Variants in WFDC9 observed in about 807,000 individuals in gnomAD.
WFDC9 encodes protein WFDC9.
WFDC9 carries 9 observed loss-of-function variants against 9.5 expected under a neutral mutation model. The ratio of observed to expected loss-of-function variants is 0.95; its 90% CI spans 0.57 to 1.65. The LOEUF (loss-of-function observed/expected upper bound fraction) is 1.65. Among genes scored for constraint, WFDC9 ranks in the 40% most tolerant of loss-of-function variants. The pLI, the probability that WFDC9 is intolerant of heterozygous loss-of-function variation, is 0.00. For synonymous variants in WFDC9, 33 were observed against 32.3 expected (o/e 1.02, Z -0.07); for missense variants, 87 against 106.7 (o/e 0.82, Z 0.81).
intron 1 of WFDC9, among the ~76,000 whole-genome samples, chr20:45,629,330 T>C (rs916464929): frequency 1.3e-5 from 2 of 152,166 alleles, no homozygotes; most frequent in African/African-American, 4.8e-5. Flanking sequence ...AAAATCCACA[T>C]TTTGAGAAAT....
chr20:45,630,897 T>C (rs772796871), intron 1 of WFDC9: 1 of 1,606,032 alleles, frequency 6.2e-7, no homozygotes, highest in Non-Finnish European at 8.5e-7. Flanking sequence ...GAAATCAAAG[T>C]CTGCCAGCAG....
At chr20:45,622,987 T>A (rs1982134687) in intron 1 of WFDC9, among the ~76,000 whole-genome samples, 1 of 152,122 alleles carries the variant, frequency 6.6e-6, no homozygotes, top group Non-Finnish European at 1.5e-5. Flanking sequence ...TAAAACAGTT[T>A]AGGTTAAGTT....
At chr20:45,611,669 T>TTATATGAAA (rs2145595347) in intron 2 of WFDC9, among the ~76,000 whole-genome samples, 1 of 152,312 alleles carries the variant, frequency 6.6e-6, no homozygotes, top group South Asian at 2.1e-4. Context: ...ATGAACCTCC[T>TTATATGAAA]TATAGTTAAA....
intron 2 of WFDC9, among the ~76,000 whole-genome samples, chr20:45,613,944 G>C (rs551389968): frequency 5.5e-4 from 84 of 152,266 alleles, no homozygotes; most frequent in African/African-American, 2.0e-3. Context: ...TGGATTCCTG[G>C]TACCAACCCT....
intron 1 of WFDC9, among the ~76,000 whole-genome samples, chr20:45,624,817 T>C (rs1487771132): frequency 6.6e-6 from 1 of 152,224 alleles, no homozygotes; most frequent in African/African-American, 2.4e-5. Context: ...ATTTCCCCGA[T>C]GATTAGTGAT....
intron 2 of WFDC9, among the ~76,000 whole-genome samples, chr20:45,610,973 C>T (rs1981848243): frequency 6.6e-6 from 1 of 152,228 alleles, no homozygotes; most frequent in Non-Finnish European, 1.5e-5. Context: ...AGACTTGAAT[C>T]ATGACTGAAG....
At position 45,608,100 on chromosome 20, in the gene WFDC9, C is replaced by T. The variant is rs1452742289; in HGVS notation, c.*10G>A. The T allele has an allele frequency of 2.5e-6, 4 of 1,613,478 alleles. No homozygotes were observed. In the South Asian group the frequency reaches 3.3e-5, roughly 13 times the overall value. On this transcript the variant is annotated 3_prime_UTR_variant, in exon 5 of 5. Coordinates refer to ENST00000326000, the MANE Select transcript of WFDC9 (RefSeq NM_147198.4). Reference sequence around the variant, plus strand: ...TCCTTCAGCCCACAGTAGTGATCGGCCAATAGAATCTAGGGGTTTAGCATT... The same window carrying T: ...TCCTTCAGCCCACAGTAGTGATCGGTCAATAGAATCTAGGGGTTTAGCATT...
intron 2 of WFDC9, 58 bp downstream of exon 2, chr20:45,614,570 T>TCTGGGCCC (rs1981933411): frequency 6.6e-6 from 1 of 152,186 alleles, no homozygotes; most frequent in African/African-American, 2.4e-5. Context: ...GGGCTAGGAA[T>TCTGGGCCC]TAATCCAAGC....
In WFDC9 at chr20:45,608,664, C is replaced by G; in HGVS notation, c.238G>C (p.Glu80Gln). 6.2e-7 allele frequency: 1 copy of G among 1,611,022 alleles called. No individual in the cohort carries two copies. Among genetic ancestry groups the G allele is most frequent in the South Asian group, 1.1e-5 (1 of 90,318 alleles). Reference protein sequence around the residue: ...TYCGNICLDNEEPLKSMLNP With the variant: ...TYCGNICLDNQEPLKSMLNP ...GCCTTCCCACCCCAACCAACTCACT[C>G]GTTGTCTAAGCAGATGTTTCCACAG... Residue 80 changes from glutamate to glutamine, a missense_variant and splice_region_variant, in exon 4 of 5, where the codon GAA becomes CAA. By Grantham distance (29) the Glu-to-Gln change is conservative. Transcript: ENST00000326000.
chr20:45,616,223 C>T (rs895174115), intron 1 of WFDC9, among the ~76,000 whole-genome samples: 1 of 152,208 alleles, frequency 6.6e-6, no homozygotes, highest in African/African-American at 2.4e-5. Flanking sequence ...TATTCTGAAT[C>T]CTTTGTCATC....
intron 1 of WFDC9, among the ~76,000 whole-genome samples, chr20:45,618,093 A>G (rs1391009904): frequency 1.3e-5 from 2 of 152,220 alleles, no homozygotes; most frequent in Non-Finnish European, 2.9e-5. Context: ...CTCCATCAGC[A>G]CTTGCTACTT....
chr20:45,627,302 G>A (rs1345540005), intron 1 of WFDC9, among the ~76,000 whole-genome samples: 2 of 152,088 alleles, frequency 1.3e-5, no homozygotes, highest in East Asian at 3.8e-4. Context: ...GTTATTGTCT[G>A]GTTTTGGTAT....
chr20:45,622,740 T>G (rs1182703537), intron 1 of WFDC9, among the ~76,000 whole-genome samples: 1 of 151,788 alleles, frequency 6.6e-6, no homozygotes, highest in Non-Finnish European at 1.5e-5. Context: ...ATATCTACTC[T>G]AATCTATTTA....
At chr20:45,609,660 T>G (rs2235600) in intron 3 of WFDC9, among the ~76,000 whole-genome samples, 26,401 of 152,076 alleles carry the variant, frequency 0.17, 2,466 homozygotes, top group East Asian at 0.32. Context: ...AAGGAGCCTT[T>G]ATTTGTCTTT....
intron 1 of WFDC9, chr20:45,630,862 C>A (rs749382459): frequency 1.9e-6 from 3 of 1,590,774 alleles, no homozygotes; most frequent in Non-Finnish European, 2.6e-6. Context: ...TTCTATTCTC[C>A]TTGTCAGAAA....
chr20:45,623,989 A>G (rs1982161168), intron 1 of WFDC9, among the ~76,000 whole-genome samples: 1 of 152,008 alleles, frequency 6.6e-6, no homozygotes, highest in Non-Finnish European at 1.5e-5. Flanking sequence ...TCAGGAGTTC[A>G]AGACCAGCCT....
chr20:45,630,019 C>T, intron 1 of WFDC9: 3 of 1,414,988 alleles, frequency 2.1e-6, no homozygotes, highest in South Asian at 2.7e-5. Flanking sequence ...CCAGCTCTGA[C>T]CACAATGTTG....
At chr20:45,610,793 T>C (rs1981843418) in intron 2 of WFDC9, among the ~76,000 whole-genome samples, 1 of 152,180 alleles carries the variant, frequency 6.6e-6, no homozygotes, top group Admixed American at 6.5e-5. Context: ...ACTAAGATGG[T>C]CCAAAGTTGG....
intron 2 of WFDC9, among the ~76,000 whole-genome samples, chr20:45,614,272 A>T (rs892345961): frequency 1.3e-5 from 2 of 152,152 alleles, no homozygotes; most frequent in African/African-American, 4.8e-5. Context: ...TCAACTTCTC[A>T]TATACAGAGT....
Sources: gnomAD v4.1 joint callset for allele counts (sites outside exome capture counted in the v4.1 genomes callset) on GRCh38, gnomAD v4.1.1 for gene constraint, MANE v1.5 for transcripts, NCBI Gene and HGNC (gene_info 2026-07-23, HGNC 2026-07-21) for gene names.